PTPRD: variants seen among roughly 807,000 people sequenced by gnomAD.
The protein encoded by PTPRD is receptor-type tyrosine-protein phosphatase delta.
In PTPRD, 34 loss-of-function variants were observed where a neutral mutation model predicts 214.5. The observed-to-expected ratio is 0.16, with a 90% CI of 0.12 to 0.21. The LOEUF is 0.21. Ranked by LOEUF, PTPRD falls within the 10% of genes least tolerant of loss-of-function variation. PTPRD has a pLI of 1.00. For missense variants in PTPRD, 2,545 were observed against 2,398.7 expected (o/e 1.06, Z -1.27); for synonymous variants, 1,128 against 845.7 (o/e 1.33, Z -5.79).
intron 3 of PTPRD, among the ~76,000 whole-genome samples, chr9:10,092,916 T>C (rs2098446790): frequency 1.3e-5 from 2 of 151,642 alleles, no homozygotes; most frequent in South Asian, 4.1e-4. Context: ...CGAATGAAAC[T>C]GGACTCCTGC....
chr9:10,161,658 C>A (rs571554604), intron 3 of PTPRD, among the ~76,000 whole-genome samples: 2 of 151,562 alleles, frequency 1.3e-5, no homozygotes, highest in Non-Finnish European at 3.0e-5. Context: ...CGTGTAAGAC[C>A]ACAAAAGCAA....
intron 3 of PTPRD, among the ~76,000 whole-genome samples, chr9:10,107,232 T>C (rs139578231): frequency 9.3e-4 from 142 of 152,042 alleles, no homozygotes; most frequent in Non-Finnish European, 1.8e-3. Flanking sequence ...GCACACACAC[T>C]CTCTTAGTTG....
chr9:8,642,397 G>A (rs1176442258), intron 12 of PTPRD, among the ~76,000 whole-genome samples: 1 of 152,114 alleles, frequency 6.6e-6, no homozygotes, highest in Non-Finnish European at 1.5e-5. Context: ...TCATAACAAT[G>A]TACTTAAAAT....
intron 11 of PTPRD, among the ~76,000 whole-genome samples, chr9:8,906,089 A>G (rs10759015): frequency 0.5 from 75,852 of 152,118 alleles, 22,342 homozygotes; most frequent in Non-Finnish European, 0.65. Flanking sequence ...TCTTGAATGC[A>G]ATGAATGCAA....
chr9:9,149,410 A>C (rs2099874171), intron 10 of PTPRD, among the ~76,000 whole-genome samples: 1 of 152,186 alleles, frequency 6.6e-6, no homozygotes, highest in Non-Finnish European at 1.5e-5. Flanking sequence ...TTTGCCAACA[A>C]ACTCAGAGCT....
At chr9:9,381,150 C>T (rs750156324) in intron 9 of PTPRD, among the ~76,000 whole-genome samples, 1 of 151,956 alleles carries the variant, frequency 6.6e-6, no homozygotes, top group African/African-American at 2.4e-5. Context: ...CAATCTCTGT[C>T]TTTTAATTTG....
intron 12 of PTPRD, among the ~76,000 whole-genome samples, chr9:8,654,077 T>G (rs2096864282): frequency 6.6e-6 from 1 of 152,186 alleles, no homozygotes; most frequent in Admixed American, 6.5e-5. Context: ...ATCCCTGGCT[T>G]CTACCCAATA....
chr9:9,923,372 G>A (rs2083220019), intron 5 of PTPRD, among the ~76,000 whole-genome samples: 1 of 151,020 alleles, frequency 6.6e-6, no homozygotes, highest in Non-Finnish European at 1.5e-5. Flanking sequence ...AGGAAGAGGA[G>A]AGCAATGCAG....
intron 10 of PTPRD, among the ~76,000 whole-genome samples, chr9:9,146,410 A>C (rs558486499): frequency 1.3e-5 from 2 of 152,116 alleles, no homozygotes. Context: ...GACTTCTTCA[A>C]TTAGGGTCTC....
At chr9:9,874,082 G>C (rs1363329452) in intron 5 of PTPRD, among the ~76,000 whole-genome samples, 2 of 152,054 alleles carry the variant, frequency 1.3e-5, no homozygotes, top group African/African-American at 4.8e-5. Context: ...CATTTTAAAG[G>C]ACCTTGCCCT....
intron 4 of PTPRD, among the ~76,000 whole-genome samples, chr9:9,968,512 T>A (rs1377560096): frequency 1.3e-5 from 2 of 152,148 alleles, no homozygotes; most frequent in Non-Finnish European, 2.9e-5. Flanking sequence ...GAGCAACTAG[T>A]CAATAATCTT....
intron 11 of PTPRD, among the ~76,000 whole-genome samples, chr9:8,802,804 T>C (rs1196247678): frequency 6.6e-6 from 1 of 152,132 alleles, no homozygotes; most frequent in Non-Finnish European, 1.5e-5. Context: ...GTAATCTCAG[T>C]GCTTTGGGAG....
At chr9:8,693,761 G>A (rs753179795) in intron 12 of PTPRD, among the ~76,000 whole-genome samples, 3 of 152,194 alleles carry the variant, frequency 2.0e-5, no homozygotes, top group Non-Finnish European at 4.4e-5. Context: ...AAGTCCCATA[G>A]TAAAAGCAAA....
chr9:9,949,048 T>C (rs867419932), intron 4 of PTPRD, among the ~76,000 whole-genome samples: 15 of 151,916 alleles, frequency 9.9e-5, no homozygotes, highest in African/African-American at 2.9e-4. Context: ...GAAAACAAGA[T>C]GTAGAGCAAA....
At chr9:9,767,925 T>G (rs1345017595) in intron 5 of PTPRD, among the ~76,000 whole-genome samples, 4 of 152,144 alleles carry the variant, frequency 2.6e-5, no homozygotes, top group Non-Finnish European at 4.4e-5. Context: ...ATGGAGCTAC[T>G]GGGTGATGGA....
chr9:10,296,416 T>A (rs562689463), intron 3 of PTPRD, among the ~76,000 whole-genome samples: 1 of 152,050 alleles, frequency 6.6e-6, no homozygotes, highest in Admixed American at 6.6e-5. Flanking sequence ...ACTCACCAGA[T>A]CACTCACTTA....
intron 7 of PTPRD, among the ~76,000 whole-genome samples, chr9:9,685,685 A>G (rs2097154453): frequency 6.6e-6 from 1 of 151,340 alleles, no homozygotes; most frequent in Non-Finnish European, 1.5e-5. Flanking sequence ...GCTGCTCTTA[A>G]GTAATAAGTC....
intron 2 of PTPRD, among the ~76,000 whole-genome samples, chr9:10,505,085 A>C (rs2045460639): frequency 6.6e-6 from 1 of 152,196 alleles, no homozygotes; most frequent in African/African-American, 2.4e-5. Context: ...CTTGCAAAAG[A>C]AAAAAGGCAA....
At chr9:9,254,083 G>C (rs1468262723) in intron 9 of PTPRD, among the ~76,000 whole-genome samples, 1 of 152,158 alleles carries the variant, frequency 6.6e-6, no homozygotes, top group South Asian at 2.1e-4. Context: ...GAAAATCCAG[G>C]ATGATATCCT....
Sources: allele counts gnomAD v4.1 joint callset (sites outside exome capture counted in the v4.1 genomes callset), GRCh38; gene constraint gnomAD v4.1.1; transcripts MANE v1.5; gene names NCBI Gene and HGNC (gene_info 2026-07-23, HGNC 2026-07-21).